Variants in TRAPPC2L observed in about 807,000 individuals in gnomAD.
TRAPPC2L encodes the protein trafficking protein particle complex subunit 2-like protein.
In TRAPPC2L, 17 loss-of-function variants were observed where a neutral mutation model predicts 13.2. The observed-to-expected ratio is 1.29, with a 90% CI of 0.88 to 1.93. TRAPPC2L has a LOEUF of 1.93. Among genes scored for constraint, TRAPPC2L ranks in the 30% most tolerant of loss-of-function variants. The probability of loss-of-function intolerance (pLI) is 0.00; values close to 1 mark genes in which losing one functional copy is unlikely to be tolerated. For synonymous variants in TRAPPC2L, 150 were observed against 98.1 expected (o/e 1.53, Z -3.12); for missense variants, 359 against 252.1 (o/e 1.42, Z -2.87).
At chr16:88,857,995 T>G (rs1968081857) in intron 1 of TRAPPC2L, among the ~76,000 whole-genome samples, 1 of 152,192 alleles carries the variant, frequency 6.6e-6, no homozygotes, top group Admixed American at 6.5e-5. Flanking sequence ...GATGATCATT[T>G]GCTTGTTTGT....
At chr16:88,858,492 G>A (rs1012228397) in intron 1 of TRAPPC2L, 127 bp from the exon 2 acceptor site, 32 of 931,256 alleles carry the variant, frequency 3.4e-5, no homozygotes, top group Middle Eastern at 4.6e-4. Context: ...AGAATGAAGC[G>A]GTGGGCCTTA....
rs138888513 is a variant in TRAPPC2L at position 88,858,696 on chromosome 16, C to T, written c.111C>T (p.Asp37=). 9.0e-5 allele frequency: 145 copies of T among 1,613,578 alleles called. No homozygotes were observed. The African/African-American group carries it at 1.3e-3, about 14-fold the overall frequency. ...ACTACATGGTGCACACATCTCTGGA[C>T]GTGGTGGATGAGAAGATCTCCGCAA... The change falls in exon 2 of 4, where the codon GAC becomes GAT. Residue 37 remains aspartate (D), a synonymous_variant. Transcript: ENST00000565504.
chr16:88,857,613 C>G (rs181525785), intron 1 of TRAPPC2L, among the ~76,000 whole-genome samples: 1 of 152,278 alleles, frequency 6.6e-6, no homozygotes, highest in Non-Finnish European at 1.5e-5. Context: ...CCTGAGACCT[C>G]TGCAGTGGCT....
At chr16:88,858,562 G>C in intron 1 of TRAPPC2L, 57 bp from the exon 2 acceptor site, 17 of 1,579,896 alleles carry the variant, frequency 1.1e-5, no homozygotes, top group Non-Finnish European at 1.5e-5. Flanking sequence ...ATAGTTCAGA[G>C]CTGGTGTGCG....
At chr16:88,860,886 C>G (rs780898740) in exon 4 of TRAPPC2L, 3 of 1,580,066 alleles carry the variant, frequency 1.9e-6, no homozygotes, top group Non-Finnish European at 1.7e-6. Flanking sequence ...CCTGGCTCTC[C>G]TCTGAGTGGG....
At chr16:88,856,878 G>C, upstream of TRAPPC2L, 7 of 1,507,834 alleles carry the variant, frequency 4.6e-6, no homozygotes, top group Non-Finnish European at 6.2e-6. Context: ...CCGCCGCCAT[G>C]GCAACCACGG....
chr16:88,857,514 C>G, intron 1 of TRAPPC2L: 1 of 347,020 alleles, frequency 2.9e-6, no homozygotes, highest in Non-Finnish European at 5.2e-6. Flanking sequence ...TCCCGTCCAG[C>G]GCTGGTTCCC....
chr16:88,859,442 G>A (rs1597625329), intron 2 of TRAPPC2L: 1 of 701,436 alleles, frequency 1.4e-6, no homozygotes, highest in East Asian at 2.7e-5. Context: ...AGTGTGAACT[G>A]GGTAAGGCTT....
exon 3 of TRAPPC2L, chr16:88,859,684 C>T (rs1375732881): frequency 6.2e-7 from 1 of 1,613,882 alleles, no homozygotes; most frequent in Non-Finnish European, 8.5e-7. Flanking sequence ...TCACCAACTC[C>T]AAGGTGAAGT....
chr16:88,861,598 G>C (rs758883240), exon 4 of TRAPPC2L: 8 of 479,216 alleles, frequency 1.7e-5, no homozygotes, highest in Non-Finnish European at 3.5e-5. Flanking sequence ...CCTCCTGCCT[G>C]TTGGTGCTGA....
upstream of TRAPPC2L, chr16:88,856,235 G>C (rs953756252): frequency 1.4e-6 from 1 of 703,062 alleles, no homozygotes; most frequent in Non-Finnish European, 2.6e-6. Context: ...AGAGGACAGA[G>C]ACAGCCGTCA....
chr16:88,860,357 C>G (rs1156733765), exon 4 of TRAPPC2L: 5 of 661,316 alleles, frequency 7.6e-6, no homozygotes, highest in Admixed American at 2.3e-5. Flanking sequence ...AGTCAGGAAC[C>G]TGGTTTGCAG....
chr16:88,857,802 C>G (rs760042267), intron 1 of TRAPPC2L, among the ~76,000 whole-genome samples: 1 of 152,232 alleles, frequency 6.6e-6, no homozygotes, highest in African/African-American at 2.4e-5. Flanking sequence ...CTTTACTGGC[C>G]CACATACATT....
chr16:88,858,898 TAGCC>T, intron 2 of TRAPPC2L, 107 bp downstream of exon 2: 2 of 1,277,034 alleles, frequency 1.6e-6, no homozygotes, highest in Non-Finnish European at 2.1e-6. Context: ...TGAGAGTTTT[TAGCC>T]AGCCAGGGAA....
chr16:88,856,627 C>T (rs1326527031), upstream of TRAPPC2L: 1 of 552,318 alleles, frequency 1.8e-6, no homozygotes, highest in African/African-American at 2.1e-5. Flanking sequence ...GGCCTCCCCC[C>T]TTCCCCAAGG....
At chr16:88,858,513 A>T in intron 1 of TRAPPC2L, 106 bp from the exon 2 acceptor site, 1 of 1,259,496 alleles carries the variant, frequency 7.9e-7, no homozygotes, top group Admixed American at 1.9e-5. Flanking sequence ...GAGCATGGGA[A>T]TGCGTTCCCC....
Position 88,857,186 on chromosome 16 carries a change from G to T in TRAPPC2L, c.33+3G>T. The T allele has an allele frequency of 6.4e-7, 1 of 1,574,176 alleles. No individual in the cohort carries two copies. The highest frequency in any genetic ancestry group is 1.4e-5 in the African/African-American group (1 of 72,356). ...GCATCGCGGTGATTGCCAAGGAGGT[G>T]CGTACGCGCGGCGTGGGGCGTCCGG... On this transcript the variant is annotated splice_donor_region_variant and intron_variant, in intron 1 of 3. Transcript: ENST00000565504.
exon 4 of TRAPPC2L, chr16:88,860,993 C>T (rs776839360): frequency 1.9e-5 from 30 of 1,562,076 alleles, no homozygotes; most frequent in South Asian, 5.9e-5. Context: ...CAGAGGAGCC[C>T]GCGCACGACT....
chr16:88,860,651 C>T, exon 4 of TRAPPC2L: 1 of 597,420 alleles, frequency 1.7e-6, no homozygotes, highest in Middle Eastern at 4.5e-4. Context: ...TGCCACACCA[C>T]CGCTCTGCCT....
Sources: allele counts gnomAD v4.1 joint callset (sites outside exome capture counted in the v4.1 genomes callset), GRCh38; gene constraint gnomAD v4.1.1; transcripts MANE v1.5; gene names NCBI Gene and HGNC (gene_info 2026-07-23, HGNC 2026-07-21).